CFAP47: variants seen among roughly 807,000 people sequenced by gnomAD.
CFAP47 encodes the protein cilia and flagella associated protein 47.
Under a neutral mutation model 148.1 loss-of-function variants are expected in CFAP47, and 29 were observed. That is an observed-to-expected ratio of 0.20 (90% CI 0.15 to 0.27). The LOEUF (loss-of-function observed/expected upper bound fraction) is 0.27. Among genes scored for constraint, CFAP47 ranks in the 10% least tolerant of loss-of-function variants. The pLI is 1.00. For synonymous variants in CFAP47, 664 were observed against 577.3 expected, an observed-to-expected ratio of 1.15 and a Z score of -2.15; for missense variants, 1,872 against 1,697.5, an observed-to-expected ratio of 1.10 and a Z score of -1.81.
intron 63 of CFAP47, among the ~76,000 whole-genome samples, chrX:36,384,166 C>A (rs1373264951): frequency 1.2e-4 from 13 of 109,656 alleles, no homozygotes; most frequent in African/African-American, 4.3e-4. Context: ...TGTGGAGATA[C>A]CCCGTCTCTA....
chrX:35,992,040 G>A (rs1420018548), intron 17 of CFAP47, 97 bp downstream of exon 17: 2 of 276,927 alleles, frequency 7.2e-6, no homozygotes, highest in Admixed American at 6.4e-5. Context: ...CTAATTTTTA[G>A]ATACTTCACA....
At position 36,059,306 on chromosome X, in the gene CFAP47, A is replaced by G. The variant is rs749679428; in HGVS notation, c.4218-6337A>G. 3.6e-5 allele frequency among the ~76,000 whole-genome samples: 4 copies of G among 111,826 alleles called. No individual in the cohort carries two copies. The South Asian group carries it at 1.5e-3, about 41-fold the overall frequency. Reference sequence around the variant, plus strand: ...TAAAGTGCACTACACTATTCTTGGAATGAAAATAACAATGATCTTACTGTT... The same window carrying G: ...TAAAGTGCACTACACTATTCTTGGAGTGAAAATAACAATGATCTTACTGTT... On this transcript the variant is annotated intron_variant, in intron 26 of 63. Coordinates refer to ENST00000378653, the MANE Select transcript of CFAP47 (RefSeq NM_001304548.2).
At chrX:36,086,820 T>A (rs1484551374) in intron 30 of CFAP47, among the ~76,000 whole-genome samples, 1 of 110,811 alleles carries the variant, frequency 9.0e-6, no homozygotes, top group Non-Finnish European at 1.9e-5. Flanking sequence ...TGTTGGGATG[T>A]TAGAGGGACG....
chrX:36,070,899 G>T (rs1309269012), intron 27 of CFAP47, among the ~76,000 whole-genome samples: 4 of 111,892 alleles, frequency 3.6e-5, no homozygotes, highest in Admixed American at 2.8e-4. Flanking sequence ...ATGATCCAAG[G>T]ATTACTACCC....
At chrX:36,213,701 T>C (rs1940127941) in intron 45 of CFAP47, among the ~76,000 whole-genome samples, 1 of 112,173 alleles carries the variant, frequency 8.9e-6, no homozygotes, top group African/African-American at 3.2e-5. Context: ...GTAAGTACAC[T>C]GAGTAAGCCT....
intron 57 of CFAP47, among the ~76,000 whole-genome samples, chrX:36,331,340 G>A (rs1941563952): frequency 9.1e-6 from 1 of 109,763 alleles, no homozygotes; most frequent in Non-Finnish European, 1.9e-5. Context: ...CTAAATTTTG[G>A]CTTGATTGTG....
chrX:36,065,165 G>A (rs148570416), intron 26 of CFAP47, among the ~76,000 whole-genome samples: 2 of 111,438 alleles, frequency 1.8e-5, no homozygotes, highest in African/African-American at 6.5e-5. Flanking sequence ...AACTGTAATG[G>A]GGTTCAGATT....
intron 37 of CFAP47, among the ~76,000 whole-genome samples, chrX:36,156,662 G>GA (rs1939370976): frequency 9.2e-6 from 1 of 108,934 alleles, no homozygotes; most frequent in Non-Finnish European, 1.9e-5. Flanking sequence ...GGCAATTGGA[G>GA]CAAAAAAAAT....
intron 33 of CFAP47, among the ~76,000 whole-genome samples, chrX:36,112,530 C>T (rs1359021017): frequency 1.8e-5 from 2 of 111,256 alleles, no homozygotes; most frequent in Non-Finnish European, 1.9e-5. Context: ...ATTATGTGAT[C>T]GATTTTAGAG....
intron 39 of CFAP47, among the ~76,000 whole-genome samples, chrX:36,170,502 G>C (rs181913560): frequency 5.5e-4 from 60 of 109,139 alleles, no homozygotes; most frequent in Non-Finnish European, 9.5e-4. Flanking sequence ...CTGTGTCCAT[G>C]TGTTCTCATT....
rs191737515 is a variant in CFAP47, at chrX:36,075,606, G to A, written c.4691+2242G>A. Among the ~76,000 whole-genome samples, 13 of 111,556 alleles carry A rather than the reference G, an allele frequency of 1.2e-4. No individual in the cohort carries two copies. The East Asian group carries it at 3.7e-3, about 32-fold the overall frequency. On this transcript the variant is annotated intron_variant, in intron 29 of 63. Coordinates refer to ENST00000378653, the MANE Select transcript of CFAP47 (RefSeq NM_001304548.2). Reference sequence around the variant, plus strand: ...AATATACATGCATATATTGTGTGATGCTGAGGTGTGGAATACAAATAATCC... The same window carrying A: ...AATATACATGCATATATTGTGTGATACTGAGGTGTGGAATACAAATAATCC...
intron 39 of CFAP47, among the ~76,000 whole-genome samples, chrX:36,161,547 T>G (rs779597724): frequency 1.4e-3 from 152 of 111,644 alleles, no homozygotes; most frequent in Non-Finnish European, 2.5e-3. Context: ...GACAATAAAA[T>G]TTTCAAGTAT....
chrX:36,257,071 A>G (rs1308650438), intron 49 of CFAP47, among the ~76,000 whole-genome samples: 17 of 112,493 alleles, frequency 1.5e-4, no homozygotes, highest in Non-Finnish European at 3.0e-4. Context: ...TTAGTATAGG[A>G]CTTCATAATT....
chrX:35,966,821 T>C, intron 9 of CFAP47, 67 bp downstream of exon 9: 1 of 805,558 alleles, frequency 1.2e-6, no homozygotes. Context: ...TATTTTAATA[T>C]ACTAATTGCT....
intron 29 of CFAP47, among the ~76,000 whole-genome samples, chrX:36,083,261 A>G (rs777521698): frequency 7.2e-4 from 80 of 110,589 alleles, no homozygotes; most frequent in South Asian, 2.2e-3. Context: ...ACATATATGC[A>G]TGTATACATG....
At chrX:36,101,914 A>G (rs1199224741) in intron 32 of CFAP47, among the ~76,000 whole-genome samples, 1 of 111,758 alleles carries the variant, frequency 8.9e-6, no homozygotes, top group Non-Finnish European at 1.9e-5. Flanking sequence ...GCCAAATATA[A>G]TAGCAAAGTT....
At chrX:36,276,542 C>T (rs1331762109) in intron 49 of CFAP47, among the ~76,000 whole-genome samples, 1 of 111,737 alleles carries the variant, frequency 8.9e-6, no homozygotes, top group Non-Finnish European at 1.9e-5. Context: ...TTACTCTCTA[C>T]CTTTAATGCA....
intron 29 of CFAP47, among the ~76,000 whole-genome samples, chrX:36,077,224 G>T (rs1285578520): frequency 2.6e-3 from 38 of 14,809 alleles, no homozygotes; most frequent in Non-Finnish European, 3.6e-3. Context: ...TTTTTTTTTT[G>T]CTCAGGAGTC....
At chrX:36,055,739 A>T (rs141225686) in intron 26 of CFAP47, among the ~76,000 whole-genome samples, 1,813 of 112,202 alleles carry the variant, frequency 0.016, 42 homozygotes, top group African/African-American at 0.056. Flanking sequence ...TCTTTGAGGA[A>T]TCACCACAAT....
Sources: allele counts gnomAD v4.1 joint callset (sites outside exome capture counted in the v4.1 genomes callset), GRCh38; gene constraint gnomAD v4.1.1; transcripts MANE v1.5; gene names NCBI Gene and HGNC (gene_info 2026-07-23, HGNC 2026-07-21).